Variants in PCDHA1 observed in about 807,000 individuals in gnomAD.
The protein encoded by PCDHA1 is protocadherin alpha 1, also known as protocadherin alpha-1.
Under a neutral mutation model 61.3 loss-of-function variants are expected in PCDHA1, and 42 were observed. The observed-to-expected ratio is 0.69, with a 90% CI of 0.54 to 0.89. PCDHA1 has a LOEUF of 0.89. Ranked by LOEUF, PCDHA1 falls within the 40% of genes least tolerant of loss-of-function variation. The pLI, the probability that PCDHA1 is intolerant of heterozygous loss-of-function variation, is 0.00. For missense variants in PCDHA1, 1,256 were observed against 1,235.3 expected (o/e 1.02, Z -0.25); for synonymous variants, 610 against 553.8 (o/e 1.10, Z -1.43).
chr5:140,938,226 A>G lies in PCDHA1; in HGVS notation c.2395-40723A>G, dbSNP rs529190111. On this transcript the variant is annotated intron_variant, in intron 1 of 3. Transcript: ENST00000504120. ...CTCCCAAAGTGCTGGGATTACAGGC[A>G]TAGGCCACCATGCCTGGTCTTTTAA... Among the ~76,000 whole-genome samples the G allele has an allele frequency of 3.3e-5, 5 of 152,330 alleles. No individual in the cohort carries two copies. In the South Asian group the frequency reaches 1.0e-3, roughly 32 times the overall value.
Position 140,836,337 on chromosome 5 carries a change from A to G in PCDHA1, c.2394+47653A>G, listed in dbSNP as rs143048298. On this transcript the variant is annotated intron_variant, in intron 1 of 3. Transcript: ENST00000504120. ...GCGCCACCGCCTTCTGGTGCTTGTG[A>G]AGGACCACGGGGAGCCCTCGCTGAC... 1,176 of 1,613,648 alleles carry G rather than the reference A, an allele frequency of 7.3e-4. 14 individuals carry two copies. Among genetic ancestry groups the G allele is most frequent in the Non-Finnish European group, 9.2e-4 (1,082 of 1,179,806 alleles).
intron 1 of PCDHA1, chr5:140,876,023 C>CA: frequency 1.9e-6 from 3 of 1,612,330 alleles, no homozygotes; most frequent in Non-Finnish European, 2.5e-6. Context: ...AAAATAAAAA[C>CA]AAAAAAAGAT....
At position 140,851,049 on chromosome 5, in the gene PCDHA1, T is replaced by C. The variant is rs114642351; in HGVS notation, c.2394+62365T>C. 2.7e-3 allele frequency: 3,765 copies of C among 1,386,504 alleles called. 305 individuals are homozygous for C. The highest frequency in any genetic ancestry group is 3.1e-3 in the Non-Finnish European group (3,266 of 1,057,356). The allele number at this position is 1,386,504 out of a possible 1,614,324, so 85.9% of individuals were successfully genotyped here. On this transcript the variant is annotated intron_variant, in intron 1 of 3. Coordinates refer to ENST00000504120, the MANE Select transcript of PCDHA1 (RefSeq NM_018900.4). ...AACCCCTTAACATTGGAGCCGACTTTGTCTTGACTTCTAGTGAGAATTATA... is the reference window on the plus strand; with the variant it reads ...AACCCCTTAACATTGGAGCCGACTTCGTCTTGACTTCTAGTGAGAATTATA...
intron 1 of PCDHA1, chr5:140,926,849 C>A: frequency 6.6e-7 from 1 of 1,517,430 alleles, no homozygotes. Flanking sequence ...CCTGGGTCAC[C>A]GTTGGTGTAG....
intron 1 of PCDHA1, chr5:140,869,908 CGAGACGAAG>C: frequency 6.2e-7 from 1 of 1,610,646 alleles, no homozygotes; most frequent in Non-Finnish European, 8.5e-7. Context: ...CGCCACAGAC[CGAGACGAAG>C]GAGTCAATGG....
At chr5:140,797,092 C>T in intron 1 of PCDHA1, 1 of 1,614,002 alleles carries the variant, frequency 6.2e-7, no homozygotes, top group Non-Finnish European at 8.5e-7. Context: ...GGTATCCAGC[C>T]TGTTGGTGCT....
intron 1 of PCDHA1, chr5:140,884,514 CG>C (rs1244903550): frequency 5.0e-6 from 8 of 1,614,058 alleles, no homozygotes; most frequent in Middle Eastern, 1.6e-4. Flanking sequence ...GGGAGTTGGT[CG>C]TACTCGCAGC....
At chr5:140,912,674 A>G (rs184432134) in intron 1 of PCDHA1, among the ~76,000 whole-genome samples, 14 of 152,238 alleles carry the variant, frequency 9.2e-5, no homozygotes, top group Admixed American at 7.2e-4. Flanking sequence ...GGCATCCTTG[A>G]CTTATTCCAG....
At chr5:140,873,590 A>C (rs1188968124) in intron 1 of PCDHA1, among the ~76,000 whole-genome samples, 2 of 152,202 alleles carry the variant, frequency 1.3e-5, no homozygotes, top group Non-Finnish European at 2.9e-5. Flanking sequence ...ATTAAGCTAA[A>C]CTTAGATGTT....
chr5:140,981,443 G>A lies in PCDHA1; in HGVS notation c.2454-1032G>A, dbSNP rs530782878. ...ACAAAAATGAGCCAGGCATGGTGGC[G>A]GGTGCCTGTAGTCCCAGCTACTTGG... On this transcript the variant is annotated intron_variant, in intron 2 of 3. Transcript: ENST00000504120. Among the ~76,000 whole-genome samples, 6 of 152,126 alleles carry A rather than the reference G, an allele frequency of 3.9e-5. No homozygotes were observed. The Middle Eastern group carries it at 0.01, about 259-fold the overall frequency.
chr5:140,942,669 A>G (rs2093352340), intron 1 of PCDHA1, among the ~76,000 whole-genome samples: 1 of 152,212 alleles, frequency 6.6e-6, no homozygotes, highest in South Asian at 2.1e-4. Flanking sequence ...AATAAGCACA[A>G]AAGTTTTAGG....
chr5:140,946,091 A>G (rs1554217315), intron 1 of PCDHA1, among the ~76,000 whole-genome samples: 1 of 152,040 alleles, frequency 6.6e-6, no homozygotes, highest in Non-Finnish European at 1.5e-5. Flanking sequence ...TCTGATAAGG[A>G]GTTAACATAC....
chr5:140,807,081 G>T, intron 1 of PCDHA1: 2 of 1,263,522 alleles, frequency 1.6e-6, no homozygotes, highest in Non-Finnish European at 2.2e-6. Flanking sequence ...TACACTCTTT[G>T]GAGTCTGAAA....
chr5:140,913,898 CTTTT>C (rs1351691139), intron 1 of PCDHA1, among the ~76,000 whole-genome samples: 2 of 152,020 alleles, frequency 1.3e-5, no homozygotes, highest in African/African-American at 4.8e-5. Flanking sequence ...CAAAATTCCC[CTTTT>C]TTATTTCTAA....
At position 140,993,501 on chromosome 5, in the gene PCDHA1, C is replaced by CACACAT. The variant is rs1554253793; in HGVS notation, c.2542+10943_2542+10944insTACACA. Reference sequence around the variant, plus strand: ...ACACACACACACACACACACACACACACACACACGGGGAGAGAGAGACAGA... The same window carrying CACACAT: ...ACACACACACACACACACACACACACACACATACACACACGGGGAGAGAGAGACAGA... On this transcript the variant is annotated intron_variant, in intron 3 of 3. Coordinates refer to ENST00000504120, the MANE Select transcript of PCDHA1 (RefSeq NM_018900.4). Among the ~76,000 whole-genome samples the CACACAT allele has an allele frequency of 3.4e-5, 5 of 148,992 alleles. No homozygotes were observed. The East Asian group carries it at 7.8e-4, about 23-fold the overall frequency.
At chr5:140,844,253 T>C (rs1269876279) in intron 1 of PCDHA1, among the ~76,000 whole-genome samples, 1 of 149,786 alleles carries the variant, frequency 6.7e-6, no homozygotes, top group Admixed American at 6.7e-5. Context: ...TTTTAAGCAG[T>C]GTAGTGATAA....
chr5:140,903,271 A>T (rs193242810), intron 1 of PCDHA1, among the ~76,000 whole-genome samples: 58 of 152,326 alleles, frequency 3.8e-4, no homozygotes, highest in African/African-American at 1.3e-3. Flanking sequence ...GGAGTGAGGT[A>T]GTGTCTCATT....
At chr5:140,831,516 C>A (rs2150195447) in intron 1 of PCDHA1, among the ~76,000 whole-genome samples, 3 of 130,566 alleles carry the variant, frequency 2.3e-5, no homozygotes, top group East Asian at 4.4e-4. Context: ...ACCATGCCCC[C>A]CACCTTTTTT....
At chr5:140,830,805 C>A (rs1771253279) in intron 1 of PCDHA1, 1 of 158,172 alleles carries the variant, frequency 6.3e-6, no homozygotes, top group Non-Finnish European at 1.4e-5. Flanking sequence ...ATGGGATTTT[C>A]ATTTGTTTGC....
Sources: gnomAD v4.1 joint callset for allele counts (sites outside exome capture counted in the v4.1 genomes callset) on GRCh38, gnomAD v4.1.1 for gene constraint, MANE v1.5 for transcripts, NCBI Gene and HGNC (gene_info 2026-07-23, HGNC 2026-07-21) for gene names.